RANBP2: variants seen among roughly 807,000 people sequenced by gnomAD.
RANBP2 encodes the protein RAN binding protein 2.
In RANBP2, 57 loss-of-function variants were observed where a neutral mutation model predicts 303.6. The ratio of observed to expected loss-of-function variants is 0.19; its 90% CI spans 0.15 to 0.23. RANBP2 has a LOEUF of 0.23. RANBP2 is among the 10% of genes least tolerant of loss of function. The pLI is 1.00. For synonymous variants in RANBP2, 1,167 were observed against 1,301.5 expected, an observed-to-expected ratio of 0.90 and a Z score of 2.23; for missense variants, 3,138 against 3,780.8, an observed-to-expected ratio of 0.83 and a Z score of 4.46.
In RANBP2 at chr2:108,782,376, A is replaced by C; in HGVS notation, c.9009A>C (p.Leu3003Phe). 2 of 1,614,078 alleles carry C rather than the reference A, an allele frequency of 1.2e-6. No homozygotes were observed. Among genetic ancestry groups the C allele is most frequent in the South Asian group, 1.1e-5 (1 of 91,088 alleles). The change falls in exon 27 of 29, where the codon TTA (leucine) becomes TTC (phenylalanine). Residue 3003 changes from leucine to phenylalanine, a missense_variant. Physicochemically the swap from Leu to Phe is conservative, Grantham distance 22. This residue lies in a region of RANBP2 where 204 missense variants were observed against 228.4 expected (regional missense o/e 0.89). Transcript: ENST00000283195. ...LKPLNVSNNA[L>F]VWTASDYADG... ...CCTTAAATGTTTCAAATAATGCTTT[A>C]GTTTGGACTGCCTCAGATTATGCTG...
At chr2:108,880,365 T>C in the RANBP2 span, among the ~76,000 whole-genome samples, 2 of 152,226 alleles carry the variant, frequency 1.3e-5, no homozygotes, top group Non-Finnish European at 2.9e-5. Flanking sequence ...ATAGATACAA[T>C]GGAAATCCTA....
intron 25 of RANBP2, among the ~76,000 whole-genome samples, chr2:108,777,770 G>A (rs1022581061): frequency 6.6e-6 from 1 of 152,084 alleles, no homozygotes; most frequent in Non-Finnish European, 1.5e-5. Flanking sequence ...CGGTTTACTA[G>A]TGTAAGGCCA....
At chr2:109,055,362 T>C in the RANBP2 span, among the ~76,000 whole-genome samples, 6 of 39,810 alleles carry the variant, frequency 1.5e-4, no homozygotes, top group East Asian at 3.2e-3. Context: ...CTATTTTTTC[T>C]TTTCTTTTTT....
At chr2:109,395,862 G>T in the RANBP2 span, among the ~76,000 whole-genome samples, 1 of 152,186 alleles carries the variant, frequency 6.6e-6, no homozygotes, top group Non-Finnish European at 1.5e-5. Flanking sequence ...CAACCTGTTG[G>T]TGCCTGGATT....
the RANBP2 span, among the ~76,000 whole-genome samples, chr2:109,637,436 T>C: frequency 0.2 from 29,762 of 151,728 alleles, 3,662 homozygotes; most frequent in African/African-American, 0.35. Flanking sequence ...GGCTGGGGGA[T>C]GGTCAGGTCT....
At chr2:109,229,579 TA>T in the RANBP2 span, among the ~76,000 whole-genome samples, 1 of 152,116 alleles carries the variant, frequency 6.6e-6, no homozygotes, top group Non-Finnish European at 1.5e-5. Context: ...GGGTTTGCAT[TA>T]AAAAGGCACA....
chr2:108,754,863 T>G (rs1676176183), intron 15 of RANBP2, 42 bp from the exon 16 acceptor site: 2 of 1,607,718 alleles, frequency 1.2e-6, no homozygotes, highest in Admixed American at 1.7e-5. Flanking sequence ...TTTTGGAATT[T>G]TTTGCAAATG....
chr2:109,545,440 T>TG, the RANBP2 span: 1 of 1,536,164 alleles, frequency 6.5e-7, no homozygotes. Context: ...GCTGCCCCCT[T>TG]GCACTGTGGC....
chr2:109,691,073 A>C, the RANBP2 span, among the ~76,000 whole-genome samples: 3,204 of 152,284 alleles, frequency 0.021, 114 homozygotes, highest in African/African-American at 0.074. Flanking sequence ...CAAATGACAG[A>C]GCAAAGACCT....
At chr2:108,721,151 T>G (rs1694214019) in intron 1 of RANBP2, among the ~76,000 whole-genome samples, 1 of 152,220 alleles carries the variant, frequency 6.6e-6, no homozygotes. Flanking sequence ...GGTTATCTTA[T>G]TTTGCGCTTC....
chr2:109,349,086 G>A, the RANBP2 span, among the ~76,000 whole-genome samples: 2 of 151,788 alleles, frequency 1.3e-5, no homozygotes, highest in African/African-American at 2.4e-5. Flanking sequence ...ATTCTAACTC[G>A]AATCTCTGCT....
chr2:108,795,694 A>C, the RANBP2 span, among the ~76,000 whole-genome samples: 1 of 152,202 alleles, frequency 6.6e-6, no homozygotes, highest in African/African-American at 2.4e-5. Context: ...GAGAGACTTA[A>C]TCTGGTCTTT....
the RANBP2 span, chr2:108,791,765 G>A: frequency 8.8e-4 from 1,413 of 1,599,060 alleles, 2 homozygotes; most frequent in African/African-American, 8.3e-3. Flanking sequence ...TTAGTACCTC[G>A]AAAATAACCA....
the RANBP2 span, among the ~76,000 whole-genome samples, chr2:109,443,145 T>G: frequency 6.6e-6 from 1 of 152,274 alleles, no homozygotes; most frequent in Non-Finnish European, 1.5e-5. Flanking sequence ...CGTGCATGGG[T>G]GTGTACACAT....
chr2:109,154,723 GGGGGGTGAT>G, the RANBP2 span, among the ~76,000 whole-genome samples: 2 of 152,206 alleles, frequency 1.3e-5, no homozygotes, highest in African/African-American at 4.8e-5. Flanking sequence ...CAAGGTCTGT[GGGGGGTGAT>G]GGTAGGGACT....
At chr2:108,838,237 T>A in the RANBP2 span, among the ~76,000 whole-genome samples, 1 of 152,140 alleles carries the variant, frequency 6.6e-6, no homozygotes, top group Non-Finnish European at 1.5e-5. Context: ...TTGCTGTATC[T>A]AAGAATTGGC....
chr2:109,115,267 G>A, the RANBP2 span, among the ~76,000 whole-genome samples: 4 of 152,312 alleles, frequency 2.6e-5, no homozygotes, highest in South Asian at 8.3e-4. Flanking sequence ...GGGAGTCTAA[G>A]TCTCTTTGTA....
the RANBP2 span, among the ~76,000 whole-genome samples, chr2:109,576,219 C>T: frequency 6.6e-6 from 1 of 152,066 alleles, no homozygotes; most frequent in African/African-American, 2.4e-5. Flanking sequence ...TGTGATTGTG[C>T]CACTGCACAC....
the RANBP2 span, among the ~76,000 whole-genome samples, chr2:109,057,937 G>A: frequency 2.0e-5 from 3 of 152,184 alleles, no homozygotes; most frequent in African/African-American, 7.2e-5. Flanking sequence ...CTCAGTAGTC[G>A]CTCATTATGC....
Sources: allele counts gnomAD v4.1 joint callset (sites outside exome capture counted in the v4.1 genomes callset), GRCh38; gene constraint gnomAD v4.1.1; regional missense constraint gnomAD v4.1.1; transcripts MANE v1.5; gene names NCBI Gene and HGNC (gene_info 2026-07-23, HGNC 2026-07-21).